IGF1R: variants seen among roughly 807,000 people sequenced by gnomAD.
IGF1R encodes insulin like growth factor 1 receptor.
IGF1R carries 44 observed loss-of-function variants against 144.6 expected under a neutral mutation model. The ratio of observed to expected loss-of-function variants is 0.30; its 90% CI spans 0.24 to 0.39. The LOEUF (loss-of-function observed/expected upper bound fraction) is 0.39. IGF1R is among the 10% of genes least tolerant of loss of function. The pLI is 1.00. For missense variants in IGF1R, 1,355 were observed against 1,833.7 expected (o/e 0.74, Z 4.77); for synonymous variants, 795 against 722.8 (o/e 1.10, Z -1.60).
intron 2 of IGF1R, among the ~76,000 whole-genome samples, chr15:98,870,146 A>G (rs1275787308): frequency 6.6e-6 from 1 of 152,244 alleles, no homozygotes; most frequent in African/African-American, 2.4e-5. Flanking sequence ...TTATGTGTAC[A>G]GTTCAGTGAC....
chr15:98,947,876 G>C (rs2016614771), intron 19 of IGF1R, among the ~76,000 whole-genome samples: 1 of 152,164 alleles, frequency 6.6e-6, no homozygotes, highest in Non-Finnish European at 1.5e-5. Context: ...TGTGGGTGGG[G>C]GAGCAGCAGG....
rs556539287 is a variant in IGF1R, at chr15:98,906,634, C to G, written c.1248-2051C>G. 8.5e-5 allele frequency among the ~76,000 whole-genome samples: 13 copies of G among 152,360 alleles called. No individual in the cohort carries two copies. The South Asian group carries it at 1.7e-3, about 19-fold the overall frequency. ...GCGCCAGCTGGGCCATATCCTGGCA[C>G]TGCTCCCCAGGAAACACACCTTGTG... On this transcript the variant is annotated intron_variant, in intron 5 of 20. Transcript: ENST00000650285.
At chr15:98,721,914 C>A (rs1334613718) in intron 2 of IGF1R, among the ~76,000 whole-genome samples, 2 of 152,138 alleles carry the variant, frequency 1.3e-5, no homozygotes, top group African/African-American at 2.4e-5. Context: ...CATTCTTATT[C>A]ATGTCAGTCC....
chr15:98,885,188 GC>G (rs1448484487), intron 2 of IGF1R, among the ~76,000 whole-genome samples: 1 of 152,184 alleles, frequency 6.6e-6, no homozygotes, highest in Non-Finnish European at 1.5e-5. Context: ...CCCTGGGAGG[GC>G]TGGGCTGAGT....
At chr15:98,877,489 CTTTTTTTTTTTTT>C (rs5814908) in intron 2 of IGF1R, among the ~76,000 whole-genome samples, 1 of 85,588 alleles carries the variant, frequency 1.2e-5, no homozygotes, top group Non-Finnish European at 2.1e-5. Context: ...CACTAGCAGC[CTTTTTTTTTTTTT>C]TTTTTTTTTT....
At chr15:98,810,599 A>G (rs2056566284) in intron 2 of IGF1R, among the ~76,000 whole-genome samples, 2 of 144,734 alleles carry the variant, frequency 1.4e-5, no homozygotes, top group Admixed American at 1.4e-4. Flanking sequence ...CCCAGGCTGG[A>G]GTGCGGTGGC....
At chr15:98,897,015 C>T in intron 4 of IGF1R, 110 bp downstream of exon 4, 1 of 1,010,838 alleles carries the variant, frequency 9.9e-7, no homozygotes, top group Non-Finnish European at 1.5e-6. Flanking sequence ...CTTAGATAAA[C>T]AACATGGTGT....
At chr15:98,706,519 G>A (rs1358356073) in intron 1 of IGF1R, among the ~76,000 whole-genome samples, 1 of 151,776 alleles carries the variant, frequency 6.6e-6, no homozygotes, top group Admixed American at 6.6e-5. Flanking sequence ...TGCCAATAAT[G>A]TTCACTGGAG....
intron 1 of IGF1R, among the ~76,000 whole-genome samples, chr15:98,673,671 G>A (rs1312350691): frequency 6.6e-6 from 1 of 152,210 alleles, no homozygotes; most frequent in African/African-American, 2.4e-5. Flanking sequence ...CTCACCTTTG[G>A]TGGTGAAGGA....
intron 2 of IGF1R, among the ~76,000 whole-genome samples, chr15:98,872,763 A>G (rs2012852263): frequency 6.6e-6 from 1 of 152,136 alleles, no homozygotes; most frequent in African/African-American, 2.4e-5. Context: ...ACAGCCTGCC[A>G]TCCCCATGCT....
Position 98,707,740 on chromosome 15 carries a change from T to C in IGF1R, c.273T>C (p.Ala91=). The change falls in exon 2 of 21, where the codon GCT becomes GCC. Residue 91 remains alanine, a synonymous_variant. Transcript: ENST00000650285. This position sits in a 1 kb window ranked among gnomAD's most constrained non-coding sequence, Gnocchi z 6.7. The part of the protein sequence containing the change: ...ITEYLLLFRV[A]GLESLGDLFP... ...AGTACTTGCTGCTGTTCCGAGTGGC[T>C]GGCCTCGAGAGCCTCGGAGACCTCT... 6 of 1,614,140 alleles carry C rather than the reference T, an allele frequency of 3.7e-6. No homozygotes were observed. Among genetic ancestry groups the C allele is most frequent in the Non-Finnish European group, 5.1e-6 (6 of 1,180,014 alleles).
intron 1 of IGF1R, among the ~76,000 whole-genome samples, chr15:98,701,324 ATTTTTTTTTT>A (rs10581900): frequency 4.4e-4 from 32 of 73,002 alleles, no homozygotes; most frequent in Non-Finnish European, 6.7e-4. Context: ...AGCCTATCTC[ATTTTTTTTTT>A]TTTTTTTTTT....
chr15:98,940,463 G>T (rs2016322084), intron 18 of IGF1R, among the ~76,000 whole-genome samples: 1 of 152,220 alleles, frequency 6.6e-6, no homozygotes, highest in Non-Finnish European at 1.5e-5. Context: ...GAGTGCAGTG[G>T]CACAATCTTG....
intron 1 of IGF1R, among the ~76,000 whole-genome samples, chr15:98,652,641 G>A (rs2052396837): frequency 6.6e-6 from 1 of 152,188 alleles, no homozygotes; most frequent in South Asian, 2.1e-4. Context: ...ATCACAAAAA[G>A]TGAAAGAAGT....
chr15:98,660,267 C>T (rs4966009), intron 1 of IGF1R: 45,526 of 152,114 alleles, frequency 0.3, 8,110 homozygotes, highest in Non-Finnish European at 0.39. Flanking sequence ...AACAATACTA[C>T]CAGCTTGCCC....
Position 98,685,030 on chromosome 15 carries a change from C to T in IGF1R, c.95-22532C>T, listed in dbSNP as rs1191065854. Among the ~76,000 whole-genome samples the T allele has an allele frequency of 4.7e-5, 7 of 150,326 alleles. No individual in the cohort carries two copies. In the East Asian group the frequency reaches 9.8e-4, roughly 21 times the overall value. ...TGGTCATGGCTTACTGCAGCCTCAA[C>T]GTCCCAGGCTCAAGGGATCCTCCTG... On this transcript the variant is annotated intron_variant, in intron 1 of 20. Transcript: ENST00000650285.
intron 1 of IGF1R, among the ~76,000 whole-genome samples, chr15:98,662,043 A>G (rs576783894): frequency 7.0e-6 from 1 of 143,812 alleles, no homozygotes; most frequent in African/African-American, 2.6e-5. Flanking sequence ...GCTCACTGCA[A>G]CCTCTGCCTT....
At chr15:98,696,359 A>G (rs1479104905) in intron 1 of IGF1R, among the ~76,000 whole-genome samples, 3 of 152,210 alleles carry the variant, frequency 2.0e-5, no homozygotes, top group Non-Finnish European at 4.4e-5. Context: ...GCCTCCCACT[A>G]GAGACCTTCC....
intron 2 of IGF1R, among the ~76,000 whole-genome samples, chr15:98,818,550 T>C (rs2056742012): frequency 6.6e-6 from 1 of 151,662 alleles, no homozygotes; most frequent in South Asian, 2.1e-4. Context: ...GTATTGACAT[T>C]TTGGGTGAAA....
Sources: allele counts gnomAD v4.1 joint callset (sites outside exome capture counted in the v4.1 genomes callset), GRCh38; gene constraint gnomAD v4.1.1; non-coding constraint Gnocchi (gnomAD v3.1); transcripts MANE v1.5; gene names NCBI Gene and HGNC (gene_info 2026-07-23, HGNC 2026-07-21).